Variants in ANKRD34C observed in about 807,000 individuals in gnomAD.
The protein encoded by ANKRD34C is ankyrin repeat domain 34C, also known as ankyrin repeat domain-containing protein 34C.
For missense variants in ANKRD34C, 563 were observed against 653.0 expected (o/e 0.86, Z 1.50); for synonymous variants, 260 against 253.6 (o/e 1.03, Z -0.24).
At position 79,294,597 on chromosome 15, in the gene ANKRD34C, C is replaced by T. The variant is rs569161480; in HGVS notation, c.1313C>T (p.Pro438Leu). The T allele has an allele frequency of 3.2e-5, 50 of 1,551,696 alleles. No individual in the cohort carries two copies. The highest frequency in any genetic ancestry group is 4.1e-5 in the Non-Finnish European group (47 of 1,146,988). Residue 438 changes from proline (P) to leucine (L), a missense_variant, in exon 2 of 2, where the codon CCG becomes CTG. By Grantham distance (98) the Pro-to-Leu change is moderately conservative. Transcript: ENST00000421388. ...TCCCCCAGCTCAGCACGCCGCAGGCCGCCACATCTTCTAGAACGACGAGGT... is the reference window on the plus strand; with the variant it reads ...TCCCCCAGCTCAGCACGCCGCAGGCTGCCACATCTTCTAGAACGACGAGGT... ...STSPSSARRR[P>L]PHLLERRGSG...
At position 79,293,906 on chromosome 15, in the gene ANKRD34C, G is replaced by T; in HGVS notation, c.622G>T (p.Asp208Tyr). 1 of 1,551,648 alleles carries T rather than the reference G, an allele frequency of 6.4e-7. No individual in the cohort carries two copies. ...CTCTCCACTCACTGAGAAGGAAGAT[G>T]ACTTCTTCAGCCTCCAAGCAGGGCA... ...LDSPLTEKED[D>Y]FFSLQAGHPS... Residue 208 changes from aspartate to tyrosine, a missense_variant, in exon 2 of 2, where the codon GAC becomes TAC. Coordinates refer to ENST00000421388, the MANE Select transcript of ANKRD34C (RefSeq NM_001146341.2).
Position 79,294,294 on chromosome 15 carries a change from A to G in ANKRD34C, c.1010A>G (p.Gln337Arg). 1.3e-6 allele frequency: 2 copies of G among 1,551,720 alleles called. No homozygotes were observed. The highest frequency in any genetic ancestry group is 1.7e-6 in the Non-Finnish European group (2 of 1,146,982). Residue 337 changes from glutamine (Q) to arginine (R), a missense_variant, in exon 2 of 2, where the codon CAG (glutamine) becomes CGG (arginine). By Grantham distance (43) the Gln-to-Arg change is conservative (BLOSUM62 1). Transcript: ENST00000421388. Reference protein sequence around the residue: ...ASWKAAYEKGQAPHPRLARRG... With the variant: ...ASWKAAYEKGRAPHPRLARRG... ...TGGAAAGCAGCCTATGAGAAAGGTC[A>G]GGCTCCCCACCCACGTCTGGCCAGG...
chr15:79,285,273 A>G (rs904368101), intron 1 of ANKRD34C, among the ~76,000 whole-genome samples: 3 of 152,172 alleles, frequency 2.0e-5, no homozygotes, highest in Admixed American at 2.0e-4. Context: ...ATGTTTGCAA[A>G]AGTCCGTAGA....
intron 1 of ANKRD34C, among the ~76,000 whole-genome samples, chr15:79,290,590 C>T (rs982016869): frequency 1.3e-5 from 2 of 152,140 alleles, no homozygotes; most frequent in African/African-American, 4.8e-5. Flanking sequence ...ACTTCATGTG[C>T]CCTTCCTGGT....
chr15:79,293,580 G>A lies in ANKRD34C; in HGVS notation c.296G>A (p.Gly99Glu), dbSNP rs1410162954. 2.5e-5 allele frequency: 39 copies of A among 1,551,594 alleles called. No individual in the cohort carries two copies. The highest frequency in any genetic ancestry group is 3.2e-5 in the Non-Finnish European group (37 of 1,147,006). ...LIHACIRRAG[G>E]EVVSLLLENG... The stretch of plus-strand genomic sequence containing the variant: ...CATGCCTGTATCAGAAGAGCTGGGG[G>A]AGAAGTGGTCTCCTTATTACTGGAG... Residue 99 changes from glycine (G) to glutamate (E), a missense_variant, in exon 2 of 2, where the codon GGA (glycine) becomes GAA (glutamate). Transcript: ENST00000421388.
At chr15:79,285,665 G>T (rs2141199820) in intron 1 of ANKRD34C, among the ~76,000 whole-genome samples, 1 of 152,324 alleles carries the variant, frequency 6.6e-6, no homozygotes, top group East Asian at 1.9e-4. Context: ...CTGAATGTGT[G>T]AATCGGGCCA....
chr15:79,293,533 G>A lies in ANKRD34C; in HGVS notation c.249G>A (p.Lys83=), dbSNP rs1350466273. Residue 83 remains lysine (K), a synonymous_variant, in exon 2 of 2, where the codon AAG becomes AAA. Transcript: ENST00000421388. ...GGGCAGACCCCAATATCCAAGATAA[G>A]TCTGGCAAGACTGCCCTCATCCATG... ...DNRADPNIQD[K]SGKTALIHAC... The A allele has an allele frequency of 1.3e-6, 2 of 1,551,620 alleles. No homozygotes were observed. Among genetic ancestry groups the A allele is most frequent in the Admixed American group, 2.0e-5 (1 of 50,994 alleles).
Position 79,293,969 on chromosome 15 carries a change from C to G in ANKRD34C, c.685C>G (p.Pro229Ala). Residue 229 changes from proline (P) to alanine (A), a missense_variant, in exon 2 of 2, where the codon CCT (proline) becomes GCT (alanine). Coordinates refer to ENST00000421388, the MANE Select transcript of ANKRD34C (RefSeq NM_001146341.2). ...SCNTSKAVNE[P>A]GSPTRKVSNL... ...TAACACCTCCAAGGCTGTTAATGAG[C>G]CTGGGTCACCCACCAGGAAAGTCAG... 2.6e-6 allele frequency: 4 copies of G among 1,551,676 alleles called. No homozygotes were observed. The highest frequency in any genetic ancestry group is 3.5e-6 in the Non-Finnish European group (4 of 1,146,984).
intron 1 of ANKRD34C, among the ~76,000 whole-genome samples, chr15:79,292,459 T>C (rs1893754851): frequency 6.6e-6 from 1 of 152,190 alleles, no homozygotes; most frequent in Non-Finnish European, 1.5e-5. Flanking sequence ...TCTTCTCCAT[T>C]CTCTGCCTCC....
rs935007481 is a variant in ANKRD34C at position 79,297,266 on chromosome 15, C to T, written c.*2374C>T. ...AGCTCATTAAATGCAAATACACACACGCAAAGAGAGAGAGAGAACACATTT... is the reference window on the plus strand; with the variant it reads ...AGCTCATTAAATGCAAATACACACATGCAAAGAGAGAGAGAGAACACATTT... On this transcript the variant is annotated 3_prime_UTR_variant, in exon 2 of 2. Coordinates refer to ENST00000421388, the MANE Select transcript of ANKRD34C (RefSeq NM_001146341.2). The T allele has an allele frequency of 5.4e-5, 9 of 167,010 alleles. No homozygotes were observed. Among genetic ancestry groups the T allele is most frequent in the East Asian group, 1.9e-4 (1 of 5,206 alleles). The allele number at this position is 167,010 out of a possible 1,614,324, so 10.3% of individuals were successfully genotyped here. A position where few individuals can be genotyped will look rare whatever the true frequency, so the allele number is the denominator to read the frequency against.
Position 79,293,765 on chromosome 15 carries a change from A to G in ANKRD34C, c.481A>G (p.Thr161Ala). The change falls in exon 2 of 2, where the codon ACC becomes GCC. Residue 161 changes from threonine to alanine, a missense_variant. Thr to Ala is a moderately conservative substitution (Grantham distance 58). Coordinates refer to ENST00000421388, the MANE Select transcript of ANKRD34C (RefSeq NM_001146341.2). ...AACAACAGATAAATCGTCTTCAGGC[A>G]CCAAAACCACCAAACAGTATCTTAA... Reference protein sequence around the residue: ...IITTDKSSSGTKTTKQYLNVP... With the variant: ...IITTDKSSSGAKTTKQYLNVP... The G allele has an allele frequency of 6.4e-7, 1 of 1,551,756 alleles. No homozygotes were observed. Among genetic ancestry groups the G allele is most frequent in the Non-Finnish European group, 8.7e-7 (1 of 1,147,004 alleles).
Position 79,293,897 on chromosome 15 carries a change from A to G in ANKRD34C, c.613A>G (p.Lys205Glu), listed in dbSNP as rs1409552604. 1 of 1,551,696 alleles carries G rather than the reference A, an allele frequency of 6.4e-7. No individual in the cohort carries two copies. The change falls in exon 2 of 2, where the codon AAG becomes GAG. Residue 205 changes from lysine (K) to glutamate (E), a missense_variant. Lys to Glu is a moderately conservative substitution (Grantham distance 56). Coordinates refer to ENST00000421388, the MANE Select transcript of ANKRD34C (RefSeq NM_001146341.2). Reference protein sequence around the residue: ...ALGLDSPLTEKEDDFFSLQAG... With the variant: ...ALGLDSPLTEEEDDFFSLQAG... ...AGGCCTGGACTCTCCACTCACTGAGAAGGAAGATGACTTCTTCAGCCTCCA... is the reference window on the plus strand; with the variant it reads ...AGGCCTGGACTCTCCACTCACTGAGGAGGAAGATGACTTCTTCAGCCTCCA...
rs1048544025 is a variant in ANKRD34C at position 79,293,839 on chromosome 15, T to C, written c.555T>C (p.Cys185=). ...AAGACAGGCATTCACCTCCACTGTG[T>C]GCGTCTCCCTCTGACATAGAGCTGA... ...KVEDRHSPPL[C]ASPSDIELKA... The change falls in exon 2 of 2, where the codon TGT becomes TGC. Residue 185 remains cysteine (C), a synonymous_variant. Coordinates refer to ENST00000421388, the MANE Select transcript of ANKRD34C (RefSeq NM_001146341.2). 17 of 1,551,744 alleles carry C rather than the reference T, an allele frequency of 1.1e-5. No homozygotes were observed. Among genetic ancestry groups the C allele is most frequent in the Non-Finnish European group, 1.5e-5 (17 of 1,147,002 alleles).
intron 1 of ANKRD34C, among the ~76,000 whole-genome samples, chr15:79,286,873 T>C (rs578161555): frequency 6.6e-6 from 1 of 152,330 alleles, no homozygotes; most frequent in East Asian, 1.9e-4. Flanking sequence ...CCTTATTTGC[T>C]TGCTCCGTCA....
rs946763601 is a variant in ANKRD34C, at chr15:79,295,245, G to A, written c.*353G>A. On this transcript the variant is annotated 3_prime_UTR_variant, in exon 2 of 2. Coordinates refer to ENST00000421388, the MANE Select transcript of ANKRD34C (RefSeq NM_001146341.2). Reference sequence around the variant, plus strand: ...AGGTAGTATTTGGAGTATGTCATTTGTAATAAATCTATAAAGTGCCTACAT... The same window carrying A: ...AGGTAGTATTTGGAGTATGTCATTTATAATAAATCTATAAAGTGCCTACAT... 2 of 207,392 alleles carry A rather than the reference G, an allele frequency of 9.6e-6. No individual in the cohort carries two copies. The highest frequency in any genetic ancestry group is 2.1e-5 in the Non-Finnish European group (2 of 93,926). 12.8% of individuals were successfully genotyped at this position (207,392 alleles called of 1,614,324 possible). A position where few individuals can be genotyped will look rare whatever the true frequency, so the allele number is the denominator to read the frequency against.
rs55654814 is a variant in ANKRD34C at position 79,295,570 on chromosome 15, T to A, written c.*678T>A. ...AATTATGATATGTCATAGTAGCTGATGCCTTAGAGATAAATCTTGCTCCAG... is the reference window on the plus strand; with the variant it reads ...AATTATGATATGTCATAGTAGCTGAAGCCTTAGAGATAAATCTTGCTCCAG... On this transcript the variant is annotated 3_prime_UTR_variant, in exon 2 of 2. Transcript: ENST00000421388. 0.031 allele frequency: 5,221 copies of A among 167,228 alleles called. 307 individuals carry two copies. Among genetic ancestry groups the A allele is most frequent in the African/African-American group, 0.12 (4,944 of 41,556 alleles). 10.4% of individuals were successfully genotyped at this position (167,228 alleles called of 1,614,324 possible).
At chr15:79,291,438 CCAG>C (rs956382211) in intron 1 of ANKRD34C, among the ~76,000 whole-genome samples, 69 of 152,132 alleles carry the variant, frequency 4.5e-4, no homozygotes, top group African/African-American at 1.6e-3. Context: ...CTTCAAATCT[CCAG>C]AGTTCAGAGA....
chr15:79,290,036 T>G (rs541402064), intron 1 of ANKRD34C, among the ~76,000 whole-genome samples: 6 of 152,324 alleles, frequency 3.9e-5, no homozygotes, highest in Admixed American at 3.9e-4. Flanking sequence ...TTCTTTTTCT[T>G]TTTTAAGAGA....
chr15:79,287,791 A>T (rs1477428878), intron 1 of ANKRD34C, among the ~76,000 whole-genome samples: 1 of 152,164 alleles, frequency 6.6e-6, no homozygotes, highest in Non-Finnish European at 1.5e-5. Context: ...CAGTGTGTTT[A>T]CTTCATTCTT....
Sources: gnomAD v4.1 joint callset for allele counts (sites outside exome capture counted in the v4.1 genomes callset) on GRCh38, gnomAD v4.1.1 for gene constraint, MANE v1.5 for transcripts, NCBI Gene and HGNC (gene_info 2026-07-23, HGNC 2026-07-21) for gene names.